Variants in ABTB3 observed in about 807,000 individuals in gnomAD.
The protein encoded by ABTB3 is ankyrin repeat and BTB domain containing 3, also known as ankyrin repeat- and BTB/POZ domain-containing protein 3.
At chr12:107,414,887 TATTTTTA>T in the ABTB3 span, among the ~76,000 whole-genome samples, 1 of 152,036 alleles carries the variant, frequency 6.6e-6, no homozygotes, top group Non-Finnish European at 1.5e-5. Flanking sequence ...CTGATTTTTG[TATTTTTA>T]GTAGACACAG....
chr12:107,624,078 T>C, the ABTB3 span, among the ~76,000 whole-genome samples: 1 of 152,142 alleles, frequency 6.6e-6, no homozygotes, highest in Admixed American at 6.5e-5. Context: ...AAGGAAAAAG[T>C]GTAGGAGATA....
the ABTB3 span, among the ~76,000 whole-genome samples, chr12:107,528,218 G>A: frequency 6.6e-6 from 1 of 152,128 alleles, no homozygotes; most frequent in Non-Finnish European, 1.5e-5. Flanking sequence ...AGGTAGGTTA[G>A]AGTAGCATTT....
chr12:107,609,717 G>C, the ABTB3 span, among the ~76,000 whole-genome samples: 1 of 152,204 alleles, frequency 6.6e-6, no homozygotes, highest in African/African-American at 2.4e-5. Flanking sequence ...AGGACAGGGG[G>C]ACGGTAGATA....
At chr12:107,326,431 C>G in the ABTB3 span, among the ~76,000 whole-genome samples, 4 of 152,124 alleles carry the variant, frequency 2.6e-5, no homozygotes, top group Admixed American at 2.0e-4. Context: ...TAGAGGGAGA[C>G]AGTGAGTGTG....
At chr12:107,640,340 T>G in the ABTB3 span, 1 of 1,596,800 alleles carries the variant, frequency 6.3e-7, no homozygotes, top group East Asian at 2.2e-5. Context: ...TAAAGAAATG[T>G]CTGATGTTAC....
the ABTB3 span, among the ~76,000 whole-genome samples, chr12:107,451,687 T>A: frequency 6.8e-6 from 1 of 148,134 alleles, no homozygotes. Flanking sequence ...TTCCCCCCAG[T>A]TTTCCTGAAC....
the ABTB3 span, among the ~76,000 whole-genome samples, chr12:107,558,705 T>C: frequency 9.2e-5 from 14 of 152,208 alleles, no homozygotes; most frequent in African/African-American, 3.1e-4. Context: ...TGAATAATTT[T>C]AATAGTCCTT....
chr12:107,365,164 T>C, the ABTB3 span, among the ~76,000 whole-genome samples: 1 of 152,228 alleles, frequency 6.6e-6, no homozygotes, highest in African/African-American at 2.4e-5. Context: ...GTTAAAGTGG[T>C]TGTAGCAGTG....
chr12:107,644,543 CAG>C, the ABTB3 span, among the ~76,000 whole-genome samples: 1 of 152,160 alleles, frequency 6.6e-6, no homozygotes, highest in African/African-American at 2.4e-5. Flanking sequence ...TGTTAAAACA[CAG>C]AGAACATTTT....
chr12:107,362,685 T>C, the ABTB3 span, among the ~76,000 whole-genome samples: 1 of 152,014 alleles, frequency 6.6e-6, no homozygotes, highest in Admixed American at 6.6e-5. Flanking sequence ...CACAGCTACT[T>C]GGGAGTCTGA....
chr12:107,615,044 C>T, the ABTB3 span: 5 of 1,599,102 alleles, frequency 3.1e-6, no homozygotes, highest in Admixed American at 6.7e-5. Context: ...TTGAAAATAA[C>T]TTCAATTTGT....
chr12:107,440,251 C>T, the ABTB3 span, among the ~76,000 whole-genome samples: 2 of 152,236 alleles, frequency 1.3e-5, no homozygotes, highest in African/African-American at 4.8e-5. Context: ...TCTGTGTCAT[C>T]TGCTTCCCTC....
the ABTB3 span, chr12:107,320,728 G>C: frequency 4.4e-6 from 2 of 455,082 alleles, no homozygotes; most frequent in African/African-American, 4.0e-5. Flanking sequence ...GCTGGTGGGG[G>C]CTGCGGGATG....
At chr12:107,509,926 G>T in the ABTB3 span, among the ~76,000 whole-genome samples, 1 of 152,162 alleles carries the variant, frequency 6.6e-6, no homozygotes, top group Non-Finnish European at 1.5e-5. Flanking sequence ...CCTTCACTTA[G>T]ATTATTAGCA....
chr12:107,353,832 G>A, the ABTB3 span, among the ~76,000 whole-genome samples: 23 of 152,222 alleles, frequency 1.5e-4, 1 homozygote, highest in East Asian at 3.7e-3. Context: ...TTCCCTATGA[G>A]AATCTAATGC....
chr12:107,568,834 G>A, the ABTB3 span, among the ~76,000 whole-genome samples: 659 of 152,262 alleles, frequency 4.3e-3, 2 homozygotes, highest in Non-Finnish European at 7.7e-3. Flanking sequence ...GAAGCCCAGG[G>A]GGTGGAACAG....
At chr12:107,406,833 A>G in the ABTB3 span, among the ~76,000 whole-genome samples, 3 of 152,080 alleles carry the variant, frequency 2.0e-5, no homozygotes, top group African/African-American at 4.8e-5. Context: ...GATTCTTACC[A>G]TCCTTATCCC....
the ABTB3 span, chr12:107,618,071 C>T: frequency 1.6e-6 from 2 of 1,290,008 alleles, no homozygotes; most frequent in Non-Finnish European, 2.2e-6. Context: ...GCTAGTGGTC[C>T]CCTGCTTCCC....
chr12:107,431,180 A>G, the ABTB3 span, among the ~76,000 whole-genome samples: 1 of 152,250 alleles, frequency 6.6e-6, no homozygotes, highest in African/African-American at 2.4e-5. Flanking sequence ...GTCTCATTCA[A>G]TTTGATTTCT....
Sources: allele counts gnomAD v4.1 joint callset (sites outside exome capture counted in the v4.1 genomes callset), GRCh38; gene constraint gnomAD v4.1.1; transcripts MANE v1.5; gene names NCBI Gene and HGNC (gene_info 2026-07-23, HGNC 2026-07-21).